WDR81: variants seen among roughly 807,000 people sequenced by gnomAD.
WDR81 encodes WD repeat-containing protein 81.
A neutral mutation model predicts 140.8 loss-of-function variants in WDR81; 92 were observed. That is an observed-to-expected ratio of 0.65 (90% CI 0.55 to 0.78). The LOEUF (loss-of-function observed/expected upper bound fraction) is 0.78. WDR81 is among the 30% of genes least tolerant of loss of function. The probability of loss-of-function intolerance (pLI) is 0.00; values close to 1 mark genes in which losing one functional copy is unlikely to be tolerated. For missense variants in WDR81, 2,502 were observed against 2,636.4 expected, an observed-to-expected ratio of 0.95 and a Z score of 1.12; for synonymous variants, 1,183 against 1,156.4, an observed-to-expected ratio of 1.02 and a Z score of -0.47.
At chr17:1,731,796 GGGAGGCTGCAATCCCAGGTTCTCA>G (rs751982703) in intron 4 of WDR81, among the ~76,000 whole-genome samples, 39 of 151,380 alleles carry the variant, frequency 2.6e-4, no homozygotes, top group African/African-American at 5.6e-4. Context: ...CCAGGTTCTC[GGGAGGCTGCAATCCCAGGTTCTCA>G]GGAGGCTGAG....
In WDR81 at chr17:1,731,067, G is replaced by A; in HGVS notation, c.3967-1G>A. ...GGCCCTCATCTGCTCGGTGGCTCTA[G>A]GTGGCCCCAGGGAGTGCCTCAGGCC... On this transcript the variant is annotated splice_acceptor_variant, in intron 3 of 9. Coordinates refer to ENST00000409644, the MANE Select transcript of WDR81 (RefSeq NM_001163809.2). LOFTEE classifies it high-confidence loss of function. 6.2e-7 allele frequency: 1 copy of A among 1,611,850 alleles called. No homozygotes were observed. The highest frequency in any genetic ancestry group is 8.5e-7 in the Non-Finnish European group (1 of 1,179,442).
rs562512298 is a variant in WDR81, at chr17:1,727,630, C to T, written c.2671C>T (p.Arg891Cys). The change falls in exon 1 of 10, where the codon CGT becomes TGT. Residue 891 changes from arginine to cysteine, a missense_variant. Transcript: ENST00000409644. ...HRFILLYQAR[R>C]VEDEAQGREL... Reference sequence around the variant, plus strand: ...ATTCATCCTCCTGTACCAGGCAAGGCGTGTGGAGGACGAGGCCCAGGGGCG... The same window carrying T: ...ATTCATCCTCCTGTACCAGGCAAGGTGTGTGGAGGACGAGGCCCAGGGGCG... The T allele has an allele frequency of 2.8e-5, 44 of 1,550,554 alleles. No individual in the cohort carries two copies. Among genetic ancestry groups the T allele is most frequent in the East Asian group, 2.0e-4 (8 of 40,926 alleles).
chr17:1,717,302 T>A (rs1190526112), intron 1 of WDR81: 1 of 152,516 alleles, frequency 6.6e-6, no homozygotes, highest in African/African-American at 2.4e-5. Flanking sequence ...AAGCTGCTGG[T>A]CGGCGTTTTT....
Position 1,725,473 on chromosome 17 carries a change from C to T in WDR81, c.514C>T (p.Pro172Ser). 6.5e-7 allele frequency: 1 copy of T among 1,548,788 alleles called. No homozygotes were observed. The highest frequency in any genetic ancestry group is 8.7e-7 in the Non-Finnish European group (1 of 1,146,952). The change falls in exon 1 of 10, where the codon CCT becomes TCT. Residue 172 changes from proline (P) to serine (S), a missense_variant. Coordinates refer to ENST00000409644, the MANE Select transcript of WDR81 (RefSeq NM_001163809.2). ...TCACAGCCCTGCCCCCTCAGCTGTC[C>T]CTGCCTTGGACTCAGTACGGCAGGC... The part of the protein sequence containing the change: ...YSHSPAPSAV[P>S]ALDSVRQALQ...
chr17:1,733,096 G>A (rs760100955), intron 6 of WDR81: 12 of 493,516 alleles, frequency 2.4e-5, no homozygotes, highest in Non-Finnish European at 3.5e-5. Context: ...CTGGCGGTCC[G>A]CAGGAGCTGG....
At chr17:1,732,868 G>T in intron 6 of WDR81, 37 bp downstream of exon 6, 2 of 1,561,974 alleles carry the variant, frequency 1.3e-6, no homozygotes, top group South Asian at 1.2e-5. Flanking sequence ...CAGTCTTCGT[G>T]GCTGTCTCCT....
At chr17:1,737,235 C>G (rs34962442) in intron 9 of WDR81, 130 bp from the exon 10 acceptor site, 3 of 807,688 alleles carry the variant, frequency 3.7e-6, no homozygotes. Context: ...GGGAGGGTGG[C>G]GGCTTGTCAC....
At position 1,727,997 on chromosome 17, in the gene WDR81, C is replaced by T. The variant is rs1279428790; in HGVS notation, c.3038C>T (p.Ala1013Val). 2.5e-5 allele frequency: 39 copies of T among 1,550,502 alleles called. No individual in the cohort carries two copies. Among genetic ancestry groups the T allele is most frequent in the East Asian group, 4.9e-5 (2 of 40,944 alleles). Residue 1013 changes from alanine to valine, a missense_variant, in exon 1 of 10, where the codon GCG becomes GTG. Transcript: ENST00000409644. ...CTGCCCCATGTCCTGCAGGTGCTGG[C>T]GGGCGCAGAGGCCTCCCAGGAGGAG... ...HLLPHVLQVLAGAEASQEESK... is the reference protein window; with the variant it reads ...HLLPHVLQVLVGAEASQEESK...
At position 1,728,551 on chromosome 17, in the gene WDR81, A is replaced by T; in HGVS notation, c.3592A>T (p.Ser1198Cys). The T allele has an allele frequency of 6.5e-7, 1 of 1,531,394 alleles. No individual in the cohort carries two copies. The highest frequency in any genetic ancestry group is 8.8e-7 in the Non-Finnish European group (1 of 1,132,992). The allele number at this position is 1,531,394 out of a possible 1,614,324, so 94.9% of individuals were successfully genotyped here. Reference protein sequence around the residue: ...LSMETVVAGGSGGDGEEEEEA... With the variant: ...LSMETVVAGGCGGDGEEEEEA... ...CATGGAGACGGTTGTGGCCGGCGGC[A>T]GTGGGGGAGATGGAGAAGAAGAGGA... The change falls in exon 1 of 10, where the codon AGT becomes TGT. Residue 1198 changes from serine to cysteine, a missense_variant. Around this residue, in one of 3 missense-constraint regions of WDR81, gnomAD observed 1,737 missense variants for 1,843.0 expected, o/e 0.94. Coordinates refer to ENST00000409644, the MANE Select transcript of WDR81 (RefSeq NM_001163809.2).
chr17:1,733,795 G>T lies in WDR81; in HGVS notation c.4758G>T (p.Ser1586=). Residue 1586 remains serine (S), a synonymous_variant, in exon 7 of 10, where the codon TCG becomes TCT. Transcript: ENST00000409644. The part of the protein sequence containing the change: ...PENPGPLGPI[S]GVGGGGLGSG... ...ACCCCGGACCACTGGGCCCCATCTCGGGGGTGGGTGGCGGGGGCCTGGGCA... is the reference window on the plus strand; with the variant it reads ...ACCCCGGACCACTGGGCCCCATCTCTGGGGTGGGTGGCGGGGGCCTGGGCA... 1.2e-6 allele frequency: 2 copies of T among 1,612,124 alleles called. No homozygotes were observed.
In WDR81 at chr17:1,732,815, C is replaced by G; in HGVS notation, c.4473C>G (p.Pro1491=). ...TLEMAYTIYV[P]FSCLLGDIIR... Reference sequence around the variant, plus strand: ...AGATGGCATACACAATCTACGTGCCCTTCTCCTGCCTGTTGGGTACTGCCC... The same window carrying G: ...AGATGGCATACACAATCTACGTGCCGTTCTCCTGCCTGTTGGGTACTGCCC... The change falls in exon 6 of 10, where the codon CCC becomes CCG. Residue 1491 remains proline (P), a synonymous_variant. Transcript: ENST00000409644. 6.2e-7 allele frequency: 1 copy of G among 1,609,658 alleles called. No individual in the cohort carries two copies.
Position 1,728,020 on chromosome 17 carries a change from G to C in WDR81, c.3061G>C (p.Glu1021Gln). The C allele has an allele frequency of 1.3e-6, 2 of 1,554,024 alleles. No individual in the cohort carries two copies. Among genetic ancestry groups the C allele is most frequent in the Non-Finnish European group, 1.7e-6 (2 of 1,149,148 alleles). Reference sequence around the variant, plus strand: ...GGCGGGCGCAGAGGCCTCCCAGGAGGAGAGCAAGGACCTGGCAGGGGCTGC... The same window carrying C: ...GGCGGGCGCAGAGGCCTCCCAGGAGCAGAGCAAGGACCTGGCAGGGGCTGC... The part of the protein sequence containing the change: ...VLAGAEASQE[E>Q]SKDLAGAAEE... Residue 1021 changes from glutamate to glutamine, a missense_variant, in exon 1 of 10, where the codon GAG becomes CAG. Physicochemically the swap from Glu to Gln is conservative, Grantham distance 29. This residue lies in a region of WDR81 where 1,737 missense variants were observed against 1,843.0 expected (regional missense o/e 0.94). Transcript: ENST00000409644.
chr17:1,734,897 G>A (rs8070192), intron 7 of WDR81, among the ~76,000 whole-genome samples: 33,691 of 152,116 alleles, frequency 0.22, 3,756 homozygotes, highest in African/African-American at 0.25. Context: ...GGTTAAAAGG[G>A]GGAAAGGGAT....
chr17:1,730,545 G>T, intron 2 of WDR81, 58 bp downstream of exon 2: 4 of 1,541,542 alleles, frequency 2.6e-6, no homozygotes, highest in Non-Finnish European at 3.5e-6. Flanking sequence ...CCTCTGCCTA[G>T]CTTCAGCGCT....
upstream of WDR81, among the ~76,000 whole-genome samples, chr17:1,723,457 T>TTATTTTTA (rs60606428): frequency 0.059 from 7,640 of 130,212 alleles, 218 homozygotes; most frequent in South Asian, 0.12. Context: ...ATTTATTTAT[T>TTATTTTTA]TTTATTTATT....
chr17:1,723,453 TTATTTTTATTTATTTA>T (rs1369625133), upstream of WDR81, among the ~76,000 whole-genome samples: 53 of 124,868 alleles, frequency 4.2e-4, no homozygotes, highest in African/African-American at 1.5e-3. Flanking sequence ...TTTTATTTAT[TTATTTTTATTTATTTA>T]TTTATTTATT....
rs1363603824 is a variant in WDR81 at position 1,728,196 on chromosome 17, C to G, written c.3237C>G (p.Leu1079=). 4 of 1,605,808 alleles carry G rather than the reference C, an allele frequency of 2.5e-6. No homozygotes were observed. The highest frequency in any genetic ancestry group is 8.5e-7 in the Non-Finnish European group (1 of 1,174,598). Reference sequence around the variant, plus strand: ...TCAGCTTCCACGACCAGGCTGACCTCCCTGAGACAGAGGACTTCCAAGCCG... The same window carrying G: ...TCAGCTTCCACGACCAGGCTGACCTGCCTGAGACAGAGGACTTCCAAGCCG... ...SGVSFHDQAD[L]PETEDFQAGL... is the part of the protein sequence containing the mutation. Residue 1079 remains leucine (L), a synonymous_variant, in exon 1 of 10, where the codon CTC becomes CTG. Transcript: ENST00000409644.
At chr17:1,731,280 T>G in intron 4 of WDR81, 22 bp downstream of exon 4, 1 of 1,609,804 alleles carries the variant, frequency 6.2e-7, no homozygotes, top group Middle Eastern at 1.7e-4. Context: ...CCCCAGCTGA[T>G]GTAGGGGGAC....
In WDR81 at chr17:1,736,197, G is replaced by C. The variant is rs547434413; in HGVS notation, c.5484G>C (p.Glu1828Asp). The C allele has an allele frequency of 1.8e-5, 29 of 1,597,832 alleles. No homozygotes were observed. Among genetic ancestry groups the C allele is most frequent in the Admixed American group, 3.3e-5 (2 of 59,870 alleles). ...TTCTGCGAGGCTGGCCAGCCCACGA[G>C]GGGGACATTCTGCAGATCAAGGTGA... ...GLVLRGWPAH[E>D]GDILQIKAVE... The change falls in exon 9 of 10, where the codon GAG becomes GAC. Residue 1828 changes from glutamate (E) to aspartate (D), a missense_variant. Around this residue, in one of 3 missense-constraint regions of WDR81, gnomAD observed 1,737 missense variants for 1,843.0 expected, o/e 0.94. Transcript: ENST00000409644.
Sources: gnomAD v4.1 joint callset for allele counts (sites outside exome capture counted in the v4.1 genomes callset) on GRCh38, gnomAD v4.1.1 for gene constraint, gnomAD v4.1.1 regional missense constraint, MANE v1.5 for transcripts, NCBI Gene and HGNC (gene_info 2026-07-23, HGNC 2026-07-21) for gene names.